UAP1: variants seen among roughly 807,000 people sequenced by gnomAD.
UAP1 encodes UDP-N-acetylhexosamine pyrophosphorylase.
UAP1 carries 25 observed loss-of-function variants against 58.5 expected under a neutral mutation model. That is an observed-to-expected ratio of 0.43 (90% CI 0.31 to 0.60). The LOEUF (loss-of-function observed/expected upper bound fraction) is 0.60, where lower values mean the gene tolerates loss of function less well. UAP1 is among the 20% of genes least tolerant of loss of function. UAP1 has a pLI of 0.11. For synonymous variants in UAP1, 208 were observed against 213.0 expected (o/e 0.98, Z 0.21); for missense variants, 575 against 630.0 (o/e 0.91, Z 0.93).
intron 2 of UAP1, among the ~76,000 whole-genome samples, chr1:162,574,577 C>T (rs1654062994): frequency 6.6e-6 from 1 of 152,122 alleles, no homozygotes; most frequent in Non-Finnish European, 1.5e-5. Flanking sequence ...TGGCCAGTGG[C>T]CAGGTTTGTT....
intron 4 of UAP1, 115 bp from the exon 5 acceptor site, chr1:162,581,172 C>A: frequency 8.4e-7 from 1 of 1,188,428 alleles, no homozygotes; most frequent in Non-Finnish European, 1.2e-6. Flanking sequence ...AGTTTTCTTG[C>A]CTTTGTAAAG....
intron 3 of UAP1, 63 bp downstream of exon 3, chr1:162,577,044 C>A: frequency 6.8e-7 from 1 of 1,476,016 alleles, no homozygotes. Flanking sequence ...ATTCAAAATG[C>A]ATATATACTT....
intron 2 of UAP1, among the ~76,000 whole-genome samples, chr1:162,570,249 C>G (rs572094958): frequency 2.2e-4 from 34 of 152,126 alleles, no homozygotes; most frequent in Admixed American, 2.1e-3. Flanking sequence ...CAGAGATACT[C>G]ACTAGTAATA....
chr1:162,596,337 G>A lies in UAP1; in HGVS notation c.1410-1455G>A, dbSNP rs552226438. On this transcript the variant is annotated intron_variant, in intron 9 of 10. Transcript: ENST00000271469. ...TTTACAGGTACGCGCCACCACACCC[G>A]GCTAATTTTGTATTTTTATTAGAGA... 1.5e-4 allele frequency among the ~76,000 whole-genome samples: 22 copies of A among 150,770 alleles called. No individual in the cohort carries two copies. In the South Asian group the frequency reaches 4.0e-3, roughly 27 times the overall value.
At chr1:162,585,664 A>G (rs1484501091) in intron 5 of UAP1, among the ~76,000 whole-genome samples, 18 of 152,188 alleles carry the variant, frequency 1.2e-4, no homozygotes, top group Non-Finnish European at 1.5e-5. Context: ...TTAGAGGTTA[A>G]TAGTTGCCAT....
chr1:162,570,277 T>TCA (rs34065384), intron 2 of UAP1, among the ~76,000 whole-genome samples: 9,093 of 152,178 alleles, frequency 0.06, 412 homozygotes, highest in Non-Finnish European at 0.089. Flanking sequence ...GTCTTTTCTT[T>TCA]CACACACACA....
chr1:162,573,087 G>A (rs1356829866), intron 2 of UAP1, among the ~76,000 whole-genome samples: 1 of 152,166 alleles, frequency 6.6e-6, no homozygotes, highest in Non-Finnish European at 1.5e-5. Flanking sequence ...GTCTTGAAAG[G>A]TTCCCTGTTC....
chr1:162,596,863 A>C (rs1437739562), intron 9 of UAP1, among the ~76,000 whole-genome samples: 1 of 152,222 alleles, frequency 6.6e-6, no homozygotes, highest in Non-Finnish European at 1.5e-5. Flanking sequence ...TGAAGTGGCA[A>C]ATAACAAAGA....
chr1:162,596,901 A>G (rs1017062632), intron 9 of UAP1, among the ~76,000 whole-genome samples: 7 of 152,196 alleles, frequency 4.6e-5, no homozygotes, highest in African/African-American at 1.2e-4. Context: ...CTCATTGACT[A>G]TTTATTGACT....
At chr1:162,561,980 G>A (rs1419556950) in intron 1 of UAP1, among the ~76,000 whole-genome samples, 1 of 152,210 alleles carries the variant, frequency 6.6e-6, no homozygotes, top group African/African-American at 2.4e-5. Context: ...CCCCGCAGTC[G>A]CACCCCATCC....
At chr1:162,583,145 T>C (rs1361268313) in intron 5 of UAP1, among the ~76,000 whole-genome samples, 1 of 90,604 alleles carries the variant, frequency 1.1e-5, no homozygotes, top group African/African-American at 3.9e-5. Flanking sequence ...TTGGTGTCAC[T>C]CTTTTTTTTT....
chr1:162,588,724 G>C, exon 7 of UAP1: 1 of 1,611,722 alleles, frequency 6.2e-7, no homozygotes, highest in Non-Finnish European at 8.5e-7. Context: ...GCACCATGTG[G>C]CTCAAAAGAA....
At chr1:162,599,065 A>C (rs577977595) in intron 10 of UAP1, among the ~76,000 whole-genome samples, 163 of 152,272 alleles carry the variant, frequency 1.1e-3, no homozygotes, top group Middle Eastern at 3.4e-3. Flanking sequence ...TGATCAGAGT[A>C]ATTTTCTTTT....
At chr1:162,576,731 G>A (rs1654205722) in intron 2 of UAP1, 46 bp from the exon 3 acceptor site, 1 of 1,534,816 alleles carries the variant, frequency 6.5e-7, no homozygotes, top group Non-Finnish European at 9.0e-7. Flanking sequence ...TAATACTAAA[G>A]TGTTGAATTG....
chr1:162,580,843 C>T (rs1199373105), intron 4 of UAP1, among the ~76,000 whole-genome samples: 1 of 151,994 alleles, frequency 6.6e-6, no homozygotes, highest in Non-Finnish European at 1.5e-5. Flanking sequence ...GTTTTTTTAA[C>T]AAATGATTTG....
At chr1:162,591,146 C>T (rs1371245098) in intron 8 of UAP1, among the ~76,000 whole-genome samples, 1 of 152,086 alleles carries the variant, frequency 6.6e-6, no homozygotes, top group South Asian at 2.1e-4. Flanking sequence ...AGAGTGCTCT[C>T]GATCTCCTGA....
At chr1:162,596,432 C>T (rs1655623778) in intron 9 of UAP1, among the ~76,000 whole-genome samples, 1 of 152,188 alleles carries the variant, frequency 6.6e-6, no homozygotes, top group African/African-American at 2.4e-5. Flanking sequence ...ACCGCGGCCT[C>T]CCAAAGTGCT....
chr1:162,592,441 A>G (rs930044668), intron 8 of UAP1, among the ~76,000 whole-genome samples: 14 of 152,176 alleles, frequency 9.2e-5, no homozygotes, highest in Non-Finnish European at 1.8e-4. Context: ...TTACTGGTAC[A>G]TAACTGGTTT....
intron 3 of UAP1, among the ~76,000 whole-genome samples, chr1:162,578,017 C>T (rs1158623489): frequency 1.3e-5 from 2 of 152,006 alleles, no homozygotes; most frequent in Non-Finnish European, 2.9e-5. Context: ...AGGTGTGAGC[C>T]ACTATGTCCA....
Sources: allele counts gnomAD v4.1 joint callset (sites outside exome capture counted in the v4.1 genomes callset), GRCh38; gene constraint gnomAD v4.1.1; transcripts MANE v1.5; gene names NCBI Gene and HGNC (gene_info 2026-07-23, HGNC 2026-07-21).